The following VGLL4 variants were observed in gnomAD, a reference collection of about 807,000 sequenced individuals.
The protein encoded by VGLL4 is transcription cofactor vestigial-like protein 4.
In VGLL4, 7 loss-of-function variants were observed where a neutral mutation model predicts 21.0. That is an observed-to-expected ratio of 0.33 (90% confidence interval 0.19 to 0.63). The LOEUF is 0.63. Ranked by LOEUF, VGLL4 falls within the 20% of genes least tolerant of loss-of-function variation. The probability of loss-of-function intolerance (pLI) is 0.78; values close to 1 mark genes in which losing one functional copy is unlikely to be tolerated. For synonymous variants in VGLL4, 222 were observed against 173.2 expected, an observed-to-expected ratio of 1.28 and a Z score of -2.21; for missense variants, 394 against 425.7, an observed-to-expected ratio of 0.93 and a Z score of 0.66.
At chr3:11,622,982 T>G (rs767645890) in intron 1 of VGLL4, among the ~76,000 whole-genome samples, 2 of 152,240 alleles carry the variant, frequency 1.3e-5, no homozygotes, top group South Asian at 2.1e-4. Flanking sequence ...TACTTGGTAT[T>G]TGAGCAAATA....
chr3:11,639,895 T>G (rs1274558012), intron 1 of VGLL4, among the ~76,000 whole-genome samples: 1 of 151,668 alleles, frequency 6.6e-6, no homozygotes, highest in Non-Finnish European at 1.5e-5. Flanking sequence ...AAAAAAGACA[T>G]GAAATAATTC....
rs1310300149 is a variant in VGLL4 at position 11,685,334 on chromosome 3, G to A, written c.64+17637C>T. Among the ~76,000 whole-genome samples the A allele has an allele frequency of 3.3e-5, 5 of 152,130 alleles. No homozygotes were observed. The East Asian group carries it at 9.7e-4, about 29-fold the overall frequency. On this transcript the variant is annotated intron_variant, in intron 2 of 5. Coordinates refer to the VGLL4 transcript ENST00000273038. ...ATGCCTCAGCCTCCTGAGTAGCTGG[G>A]AATACAGGCGCGTGCCCCCACAGCT... is the stretch of plus-strand genomic sequence containing the variant.
intron 2 of VGLL4, among the ~76,000 whole-genome samples, chr3:11,575,527 G>A (rs956910915): frequency 1.3e-5 from 2 of 152,270 alleles, no homozygotes; most frequent in African/African-American, 4.8e-5. Context: ...GGGCACAATC[G>A]GTCCTCAGAT....
chr3:11,681,831 G>A (rs1443777960), intron 2 of VGLL4, among the ~76,000 whole-genome samples: 1 of 152,224 alleles, frequency 6.6e-6, no homozygotes, highest in African/African-American at 2.4e-5. Flanking sequence ...GTTTCAGGCA[G>A]GGAGCATAGC....
intron 2 of VGLL4, among the ~76,000 whole-genome samples, chr3:11,574,783 A>ATATGTG (rs1553723602): frequency 2.1e-4 from 23 of 111,852 alleles, no homozygotes; most frequent in African/African-American, 6.9e-4. Flanking sequence ...ATTCAACTAT[A>ATATGTG]TATGTGTGTG....
At chr3:11,599,318 G>A (rs1468328749) in intron 2 of VGLL4, among the ~76,000 whole-genome samples, 10 of 151,430 alleles carry the variant, frequency 6.6e-5, no homozygotes, top group African/African-American at 1.7e-4. Context: ...AATGAGGGGG[G>A]AGTCACCTGG....
rs1386487718 is a variant in VGLL4, at chr3:11,697,278, T to TG, written c.64+5692_64+5693insC. Among the ~76,000 whole-genome samples, 6 of 151,692 alleles carry TG rather than the reference T, an allele frequency of 4.0e-5. No homozygotes were observed. The East Asian group carries it at 1.2e-3, about 29-fold the overall frequency. On this transcript the variant is annotated intron_variant, in intron 2 of 5. Transcript: ENST00000273038. ...ACCACACCCAGCTAATTGTGGTTTT[T>TG]TTTTTTTTTTGGAGGATGAGGTCTT... is the stretch of plus-strand genomic sequence containing the variant.
chr3:11,700,859 A>C (rs1355253683), intron 2 of VGLL4, among the ~76,000 whole-genome samples: 1 of 152,232 alleles, frequency 6.6e-6, no homozygotes, highest in Admixed American at 6.5e-5. Flanking sequence ...CCAATTCCTC[A>C]GATTCCCATT....
chr3:11,691,703 A>C (rs2076529241), intron 2 of VGLL4, among the ~76,000 whole-genome samples: 1 of 151,034 alleles, frequency 6.6e-6, no homozygotes, highest in African/African-American at 2.4e-5. Context: ...CTCTCTCTTC[A>C]CCCCCAAGAA....
rs1279155573 is a variant in VGLL4 at position 11,557,488 on chromosome 3, C to A, written c.*1068G>T. ...TAAATGATGTCAGCCTGCAGCCAAA[C>A]TCCAGCATCCCACACCGCAGCTGAC... On this transcript the variant is annotated 3_prime_UTR_variant, in exon 5 of 5. Coordinates refer to ENST00000430365, the MANE Select transcript of VGLL4 (RefSeq NM_001128219.3). 1 of 152,570 alleles carries A rather than the reference C, an allele frequency of 6.6e-6. No homozygotes were observed. Among genetic ancestry groups the A allele is most frequent in the African/African-American group, 2.4e-5 (1 of 41,460 alleles). The allele number at this position is 152,570 out of a possible 1,614,324, so 9.5% of individuals were successfully genotyped here.
At chr3:11,675,108 G>A (rs567560452) in intron 2 of VGLL4, among the ~76,000 whole-genome samples, 3 of 152,338 alleles carry the variant, frequency 2.0e-5, no homozygotes, top group African/African-American at 7.2e-5. Flanking sequence ...CTGGGAGGCC[G>A]AGGTGGGTGG....
At chr3:11,664,500 C>T (rs1379590724) in intron 2 of VGLL4, among the ~76,000 whole-genome samples, 1 of 152,148 alleles carries the variant, frequency 6.6e-6, no homozygotes, top group Non-Finnish European at 1.5e-5. Flanking sequence ...ACCAAAAATT[C>T]GCTACAGTCC....
At chr3:11,657,043 T>C (rs1479974614) in intron 2 of VGLL4, among the ~76,000 whole-genome samples, 1 of 152,200 alleles carries the variant, frequency 6.6e-6, no homozygotes, top group Non-Finnish European at 1.5e-5. Context: ...GAGCCCTCTG[T>C]ACTCTTCACA....
At chr3:11,655,128 G>A (rs888415878) in intron 2 of VGLL4, among the ~76,000 whole-genome samples, 1 of 152,200 alleles carries the variant, frequency 6.6e-6, no homozygotes, top group African/African-American at 2.4e-5. Context: ...CACCCAGGAG[G>A]TTTTGAAAGC....
In VGLL4 at chr3:11,581,282, G is replaced by A. The variant is rs541237243; in HGVS notation, c.273-16263C>T. The stretch of plus-strand genomic sequence containing the variant: ...GGGTTTCACCATGTTGATCAGGCTG[G>A]CCTCAAACTCCTGACCTCAGGTGAT... On this transcript the variant is annotated intron_variant, in intron 2 of 4. Transcript: ENST00000430365. 8.7e-4 allele frequency among the ~76,000 whole-genome samples: 133 copies of A among 152,162 alleles called. 2 individuals carry two copies. The South Asian group carries it at 0.015, about 17-fold the overall frequency.
chr3:11,567,082 G>A (rs888279989), intron 2 of VGLL4, among the ~76,000 whole-genome samples: 2 of 152,078 alleles, frequency 1.3e-5, no homozygotes, highest in Non-Finnish European at 2.9e-5. Flanking sequence ...ACCAGAGGGG[G>A]CCTGAGTGCA....
chr3:11,691,501 C>G (rs2076526097), intron 2 of VGLL4, among the ~76,000 whole-genome samples: 1 of 152,076 alleles, frequency 6.6e-6, no homozygotes, highest in Admixed American at 6.6e-5. Context: ...GTAAATACAC[C>G]CATCATGGCT....
rs34312251 is a variant in VGLL4, at chr3:11,584,799, G to GAA, written c.272+17032_272+17033dup. 2.7e-5 allele frequency among the ~76,000 whole-genome samples: 4 copies of GAA among 145,712 alleles called. No individual in the cohort carries two copies. In the South Asian group the frequency reaches 8.8e-4, roughly 32 times the overall value. ...GCTGACCAACCAATCCTTGAAAAGAGAAAAAAAAAAAAAATGAGGTGGCCC... is the reference window on the plus strand; with the variant it reads ...GCTGACCAACCAATCCTTGAAAAGAGAAAAAAAAAAAAAAAATGAGGTGGCCC... On this transcript the variant is annotated intron_variant, in intron 2 of 4. Transcript: ENST00000430365.
At chr3:11,563,301 C>CAGGTTCTG (rs2073191367) in intron 3 of VGLL4, among the ~76,000 whole-genome samples, 1 of 152,240 alleles carries the variant, frequency 6.6e-6, no homozygotes, top group Non-Finnish European at 1.5e-5. Context: ...GCCAGAGAGC[C>CAGGTTCTG]AGGTTCTGCC....
Sources: allele counts gnomAD v4.1 joint callset (sites outside exome capture counted in the v4.1 genomes callset), GRCh38; gene constraint gnomAD v4.1.1; transcripts MANE v1.5; gene names NCBI Gene and HGNC (gene_info 2026-07-23, HGNC 2026-07-21).